The following RBFOX1 variants were observed in gnomAD, a reference collection of about 807,000 sequenced individuals.
The protein encoded by RBFOX1 is RNA binding fox-1 homolog 1, also known as RNA binding protein fox-1 homolog 1.
Under a neutral mutation model 57.7 loss-of-function variants are expected in RBFOX1, and 8 were observed. The ratio of observed to expected loss-of-function variants is 0.14; its 90% CI spans 0.08 to 0.25. The LOEUF is 0.25. Ranked by LOEUF, RBFOX1 falls within the 10% of genes least tolerant of loss-of-function variation. The pLI is 1.00. For synonymous variants in RBFOX1, 326 were observed against 222.4 expected, an observed-to-expected ratio of 1.47 and a Z score of -4.15; for missense variants, 611 against 548.5, an observed-to-expected ratio of 1.11 and a Z score of -1.14.
intron 4 of RBFOX1, among the ~76,000 whole-genome samples, chr16:7,218,368 C>T (rs1157978642): frequency 6.6e-6 from 1 of 152,002 alleles, no homozygotes; most frequent in Admixed American, 6.6e-5. Flanking sequence ...CAGTATGCTT[C>T]CTATGAGACA....
chr16:7,045,250 T>C (rs1023891281), intron 3 of RBFOX1, among the ~76,000 whole-genome samples: 2 of 152,034 alleles, frequency 1.3e-5, no homozygotes, highest in African/African-American at 2.4e-5. Flanking sequence ...AGTTTACTAA[T>C]AATTTATGAA....
intron 6 of RBFOX1, among the ~76,000 whole-genome samples, chr16:7,581,242 A>C (rs1449291630): frequency 6.6e-6 from 1 of 152,196 alleles, no homozygotes; most frequent in Non-Finnish European, 1.5e-5. Flanking sequence ...CCTTGAGTTG[A>C]GCCTTCCAAC....
chr16:6,478,215 C>T (rs1461547192), intron 2 of RBFOX1, among the ~76,000 whole-genome samples: 2 of 147,696 alleles, frequency 1.4e-5, no homozygotes, highest in Non-Finnish European at 3.0e-5. Flanking sequence ...AGCTTTTAGC[C>T]TGTCCCAGCT....
intron 4 of RBFOX1, among the ~76,000 whole-genome samples, chr16:7,350,453 C>A (rs1006248282): frequency 3.3e-5 from 5 of 152,162 alleles, no homozygotes; most frequent in Admixed American, 1.3e-4. Flanking sequence ...TAGGGCATTG[C>A]AGGCAGTTTA....
At chr16:5,696,764 C>A (rs1216079971) in intron 3 of RBFOX1, among the ~76,000 whole-genome samples, 1 of 152,110 alleles carries the variant, frequency 6.6e-6, no homozygotes, top group East Asian at 1.9e-4. Flanking sequence ...TATGTCTTAC[C>A]ATTTTTGAAG....
chr16:6,218,834 A>G (rs1015567560), intron 1 of RBFOX1, among the ~76,000 whole-genome samples: 8 of 138,406 alleles, frequency 5.8e-5, no homozygotes, highest in Non-Finnish European at 1.1e-4. Flanking sequence ...TAAGTCCCAA[A>G]TGGAGACAAT....
rs74619880 is a variant in RBFOX1, at chr16:6,929,090, A to G, written c.-15-122967A>G. On this transcript the variant is annotated intron_variant, in intron 3 of 15. Transcript: ENST00000550418. ...CCATGCTTGCCCCACTCCCCAGTCT[A>G]GTGTTTAATTCACAGGCCCACATTG... Among the ~76,000 whole-genome samples the G allele has an allele frequency of 7.0e-3, 1,070 of 152,272 alleles. 13 individuals carry two copies. The highest frequency in any genetic ancestry group is 0.023 in the African/African-American group (962 of 41,558).
intron 1 of RBFOX1, among the ~76,000 whole-genome samples, chr16:5,319,118 C>T (rs1283064192): frequency 6.7e-6 from 1 of 149,590 alleles, no homozygotes; most frequent in Non-Finnish European, 1.5e-5. Context: ...CAGAGTAAGA[C>T]TCTGTCTCAA....
At chr16:6,987,091 C>T (rs1352741261) in intron 3 of RBFOX1, among the ~76,000 whole-genome samples, 2 of 152,138 alleles carry the variant, frequency 1.3e-5, no homozygotes, top group Non-Finnish European at 2.9e-5. Flanking sequence ...GATCTATTAG[C>T]AGCTTCCATT....
chr16:6,339,995 A>C (rs1160473164), intron 2 of RBFOX1, among the ~76,000 whole-genome samples: 2 of 152,154 alleles, frequency 1.3e-5, no homozygotes, highest in Non-Finnish European at 2.9e-5. Context: ...GCAATTCTTA[A>C]ACAAAAGCTT....
chr16:6,627,188 G>T (rs892677431), intron 2 of RBFOX1, among the ~76,000 whole-genome samples: 5 of 152,306 alleles, frequency 3.3e-5, no homozygotes, highest in African/African-American at 1.2e-4. Context: ...TAGATCTTGG[G>T]ATGGGCAGAG....
rs544014046 is a variant in RBFOX1 at position 7,162,682 on chromosome 16, T to C, written c.27+110584T>C. Among the ~76,000 whole-genome samples, 9 of 151,996 alleles carry C rather than the reference T, an allele frequency of 5.9e-5. No individual in the cohort carries two copies. In the South Asian group the frequency reaches 6.2e-4, roughly 11 times the overall value. ...AGACAGAGGTTGCAGTGAGCTGAGATTGCGCCACTGCACTCCACCCTGGGT... is the reference window on the plus strand; with the variant it reads ...AGACAGAGGTTGCAGTGAGCTGAGACTGCGCCACTGCACTCCACCCTGGGT... On this transcript the variant is annotated intron_variant, in intron 4 of 15. Transcript: ENST00000550418.
intron 2 of RBFOX1, among the ~76,000 whole-genome samples, chr16:6,496,700 C>A (rs1403887825): frequency 2.6e-5 from 4 of 152,166 alleles, no homozygotes; most frequent in African/African-American, 7.2e-5. Context: ...TGTCTCATGC[C>A]TGTAATCCCA....
chr16:7,050,412 C>G (rs1313445072), intron 3 of RBFOX1, among the ~76,000 whole-genome samples: 1 of 151,888 alleles, frequency 6.6e-6, no homozygotes, highest in East Asian at 1.9e-4. Flanking sequence ...ATTACAGATG[C>G]CCACCACCAT....
intron 4 of RBFOX1, among the ~76,000 whole-genome samples, chr16:7,127,703 G>A (rs559957689): frequency 6.6e-6 from 1 of 152,268 alleles, no homozygotes; most frequent in East Asian, 1.9e-4. Context: ...TTCTTTCAGA[G>A]GACTTTGGGT....
chr16:7,449,619 C>T (rs940126226), intron 4 of RBFOX1, among the ~76,000 whole-genome samples: 3 of 151,386 alleles, frequency 2.0e-5, no homozygotes, highest in Middle Eastern at 3.2e-3. Context: ...TTCAAGCCTG[C>T]ACATCCCCAG....
chr16:5,896,754 A>G (rs1213832404), intron 4 of RBFOX1, among the ~76,000 whole-genome samples: 1 of 152,156 alleles, frequency 6.6e-6, no homozygotes, highest in Admixed American at 6.6e-5. Context: ...CATTTGGAGA[A>G]GAGGAGATAT....
chr16:7,411,008 T>A (rs1178022547), intron 4 of RBFOX1, among the ~76,000 whole-genome samples: 1 of 152,124 alleles, frequency 6.6e-6, no homozygotes, highest in Non-Finnish European at 1.5e-5. Flanking sequence ...TACAGTGGTG[T>A]GATCTTGGCT....
chr16:7,311,200 G>T (rs2096298311), intron 4 of RBFOX1, among the ~76,000 whole-genome samples: 1 of 152,130 alleles, frequency 6.6e-6, no homozygotes, highest in African/African-American at 2.4e-5. Context: ...AAACTGCTGT[G>T]GTCCTTAGCA....
Sources: gnomAD v4.1 joint callset for allele counts (sites outside exome capture counted in the v4.1 genomes callset) on GRCh38, gnomAD v4.1.1 for gene constraint, MANE v1.5 for transcripts, NCBI Gene and HGNC (gene_info 2026-07-23, HGNC 2026-07-21) for gene names.